TMEM175: variants seen among roughly 807,000 people sequenced by gnomAD.
The protein encoded by TMEM175 is transmembrane protein 175.
Under a neutral mutation model 36.5 loss-of-function variants are expected in TMEM175, and 36 were observed. The observed-to-expected ratio is 0.99, with a 90% confidence interval of 0.76 to 1.30. The LOEUF is 1.30. TMEM175 is among the 50% of genes most tolerant of loss of function. The pLI is 0.00. For missense variants in TMEM175, 705 were observed against 692.8 expected (o/e 1.02, Z -0.20); for synonymous variants, 339 against 313.4 (o/e 1.08, Z -0.86).
At position 957,900 on chromosome 4, in the gene TMEM175, G is replaced by C. The variant is rs146282263; in HGVS notation, c.919G>C (p.Gly307Arg). ...GSLVAALSATGPRFLAYFGSF... is the reference protein window; with the variant it reads ...GSLVAALSATRPRFLAYFGSF... Reference sequence around the variant, plus strand: ...CCTCGTGGCCGCCCTGAGTGCGACCGGGCCGCGCTTCCTGGCGTACTTCGG... The same window carrying C: ...CCTCGTGGCCGCCCTGAGTGCGACCCGGCCGCGCTTCCTGGCGTACTTCGG... Residue 307 changes from glycine to arginine, a missense_variant, in exon 11 of 11, where the codon GGG (glycine) becomes CGG (arginine). By Grantham distance (125) the Gly-to-Arg change is moderately radical. Transcript: ENST00000264771. The C allele has an allele frequency of 6.2e-6, 10 of 1,612,844 alleles. No individual in the cohort carries two copies. The Admixed American group carries it at 1.7e-4, about 27-fold the overall frequency.
chr4:936,514 A>G (rs1159611426), intron 1 of TMEM175, among the ~76,000 whole-genome samples: 1 of 152,180 alleles, frequency 6.6e-6, no homozygotes, highest in Admixed American at 6.5e-5. Context: ...GCAAGACACA[A>G]ATTACCAATA....
In TMEM175 at chr4:958,438, C is replaced by G. The variant is rs566928230; in HGVS notation, c.1457C>G (p.Pro486Arg). The part of the protein sequence containing the change: ...LRGLARPEHP[P>R]PAPTGQDDPQ... ...GGCCTCGCCCGGCCCGAACACCCCC[C>G]GCCAGCCCCCACGGGCCAGGACGAC... The change falls in exon 11 of 11, where the codon CCG becomes CGG. Residue 486 changes from proline (P) to arginine (R), a missense_variant. Pro to Arg is a moderately radical substitution (Grantham distance 103, BLOSUM62 -2). Coordinates refer to ENST00000264771, the MANE Select transcript of TMEM175 (RefSeq NM_032326.4). 1 of 1,589,856 alleles carries G rather than the reference C, an allele frequency of 6.3e-7. No homozygotes were observed. The highest frequency in any genetic ancestry group is 2.3e-5 in the East Asian group (1 of 44,390).
Position 947,801 on chromosome 4 carries a change from G to A in TMEM175, c.62G>A (p.Arg21Lys). 1.9e-6 allele frequency: 3 copies of A among 1,613,168 alleles called. No individual in the cohort carries two copies. Among genetic ancestry groups the A allele is most frequent in the Non-Finnish European group, 2.5e-6 (3 of 1,180,006 alleles). ...ACACCGGGGGACTGCCCCCCAGGCA[G>A]GAGAGACGAGGACGCTGGGGAGGGG... is the stretch of plus-strand genomic sequence containing the variant. ...LDTPGDCPPG[R>K]RDEDAGEGIQ... Residue 21 changes from arginine to lysine, a missense_variant, in exon 2 of 11, where the codon AGG becomes AAG. Transcript: ENST00000264771.
chr4:951,678 C>G lies in TMEM175; in HGVS notation c.343-4C>G, dbSNP rs1328590383. 1 of 1,614,176 alleles carries G rather than the reference C, an allele frequency of 6.2e-7. No homozygotes were observed. Among genetic ancestry groups the G allele is most frequent in the South Asian group, 1.1e-5 (1 of 91,086 alleles). On this transcript the variant is annotated splice_polypyrimidine_tract_variant and splice_region_variant and intron_variant, in intron 5 of 10. Transcript: ENST00000264771. Reference sequence around the variant, plus strand: ...CATGGCTGTGATGCCCTCCCTCCCTCCAGGCCTGCATGATGACCATCACCT... The same window carrying G: ...CATGGCTGTGATGCCCTCCCTCCCTGCAGGCCTGCATGATGACCATCACCT...
intron 6 of TMEM175, 145 bp downstream of exon 6, chr4:951,862 T>A: frequency 1.2e-6 from 1 of 850,352 alleles, no homozygotes; most frequent in Non-Finnish European, 1.9e-6. Context: ...GAGAGCCAGC[T>A]GTTGGGCTGT....
At chr4:951,549 G>A in intron 5 of TMEM175, 133 bp from the exon 6 acceptor site, 1 of 1,183,784 alleles carries the variant, frequency 8.4e-7, no homozygotes, top group Non-Finnish European at 1.2e-6. Context: ...GGGTCTGGGG[G>A]CTGGACTCAC....
intron 1 of TMEM175, among the ~76,000 whole-genome samples, chr4:944,384 C>G (rs1202576626): frequency 6.6e-6 from 1 of 152,174 alleles, no homozygotes; most frequent in Non-Finnish European, 1.5e-5. Context: ...AGCTTGAACA[C>G]AAAGATGCTG....
chr4:953,946 A>G (rs534414182), intron 8 of TMEM175, among the ~76,000 whole-genome samples: 2 of 152,126 alleles, frequency 1.3e-5, no homozygotes, highest in South Asian at 2.1e-4. Flanking sequence ...TTAGCCTCCC[A>G]AAGTGCTGGA....
In TMEM175 at chr4:958,587, C is replaced by T. The variant is rs1483602723; in HGVS notation, c.*91C>T. The T allele has an allele frequency of 8.7e-5, 95 of 1,089,400 alleles. No individual in the cohort carries two copies. The highest frequency in any genetic ancestry group is 2.7e-4 in the Middle Eastern group (1 of 3,640). 67.5% of individuals were successfully genotyped at this position (1,089,400 alleles called of 1,614,324 possible). Reference sequence around the variant, plus strand: ...AGGGGAAGCCAAGTCACGGGCAGGCCGCAGTGGTTCTTGCGTGGCCTGGTT... The same window carrying T: ...AGGGGAAGCCAAGTCACGGGCAGGCTGCAGTGGTTCTTGCGTGGCCTGGTT... On this transcript the variant is annotated 3_prime_UTR_variant, in exon 11 of 11. Coordinates refer to ENST00000264771, the MANE Select transcript of TMEM175 (RefSeq NM_032326.4).
chr4:950,324 T>G, intron 3 of TMEM175, 97 bp from the exon 4 acceptor site: 1 of 1,031,804 alleles, frequency 9.7e-7, no homozygotes, highest in Non-Finnish European at 1.5e-6. Flanking sequence ...CGCCCTGCCC[T>G]GGGCCGAGGC....
Position 932,742 on chromosome 4 carries a change from C to T in TMEM175, c.-32+202C>T, listed in dbSNP as rs1457996187. 6.6e-6 allele frequency among the ~76,000 whole-genome samples: 1 copy of T among 152,228 alleles called. No individual in the cohort carries two copies. The highest frequency in any genetic ancestry group is 2.4e-5 in the African/African-American group (1 of 41,456). Reference sequence around the variant, plus strand: ...GGCTAAGGAGCAAGGAGTTAGCGTGCGTTAAGCTTTCAGTAAATACTTGGT... The same window carrying T: ...GGCTAAGGAGCAAGGAGTTAGCGTGTGTTAAGCTTTCAGTAAATACTTGGT... On this transcript the variant is annotated intron_variant, in intron 1 of 10. Transcript: ENST00000264771. This position sits in a 1 kb window ranked among gnomAD's most constrained non-coding sequence, Gnocchi z 4.0.
rs1728935447 is a variant in TMEM175 at position 951,893 on chromosome 4, G to A, written c.378+176G>A. ...GCTGTTGGGGGCTTCTTTCAGGCTGGCGGGGAGGGGAGGCAGTGGCCCCGA... is the reference window on the plus strand; with the variant it reads ...GCTGTTGGGGGCTTCTTTCAGGCTGACGGGGAGGGGAGGCAGTGGCCCCGA... On this transcript the variant is annotated intron_variant, in intron 6 of 10. Transcript: ENST00000264771. The A allele has an allele frequency of 1.0e-5, 7 of 687,932 alleles. No individual in the cohort carries two copies. In the South Asian group the frequency reaches 1.3e-4, roughly 13 times the overall value. 42.6% of individuals were successfully genotyped at this position (687,932 alleles called of 1,614,324 possible). A position where few individuals can be genotyped will look rare whatever the true frequency, so the allele number is the denominator to read the frequency against.
At chr4:956,520 G>A (rs1729679263) in intron 10 of TMEM175, 1 of 1,194,258 alleles carries the variant, frequency 8.4e-7, no homozygotes, top group Non-Finnish European at 1.1e-6. Context: ...TCAGCTCACT[G>A]CAACCTCCGC....
At chr4:947,126 G>A (rs1413547442) in intron 1 of TMEM175, among the ~76,000 whole-genome samples, 8 of 112,504 alleles carry the variant, frequency 7.1e-5, no homozygotes, top group African/African-American at 1.7e-4. Context: ...GCCGAGACCG[G>A]GGGAGAGCGC....
At chr4:941,338 T>C (rs1727461429) in intron 1 of TMEM175, among the ~76,000 whole-genome samples, 1 of 139,524 alleles carries the variant, frequency 7.2e-6, no homozygotes, top group Non-Finnish European at 1.5e-5. Flanking sequence ...ATCGTGCCAT[T>C]GCACTCCAGC....
chr4:952,545 G>T, intron 7 of TMEM175, 95 bp downstream of exon 7: 3 of 1,220,532 alleles, frequency 2.5e-6, no homozygotes, highest in Non-Finnish European at 3.5e-6. Flanking sequence ...TGCAGGTAGG[G>T]GGCCCAGGGG....
chr4:951,326 G>A (rs1240828688), intron 5 of TMEM175, 68 bp downstream of exon 5: 1 of 1,573,078 alleles, frequency 6.4e-7, no homozygotes, highest in Non-Finnish European at 8.7e-7. Context: ...GGGAAGAGGG[G>A]AAGGGAGCAG....
rs1392214227 is a variant in TMEM175, at chr4:932,825, C to G, written c.-32+285C>G. Among the ~76,000 whole-genome samples, 7 of 152,214 alleles carry G rather than the reference C, an allele frequency of 4.6e-5. No homozygotes were observed. Among genetic ancestry groups the G allele is most frequent in the Non-Finnish European group, 7.3e-5 (5 of 68,034 alleles). On this transcript the variant is annotated intron_variant, in intron 1 of 10. Coordinates refer to ENST00000264771, the MANE Select transcript of TMEM175 (RefSeq NM_032326.4). The surrounding 1 kb of genome is among the most constrained non-coding windows in gnomAD (Gnocchi z 4.0). ...CGCTTAGTGAGTAAGGTTGGCAGCC[C>G]CCTCCCAGCAGCCAGGCAGGCAGTT...
Position 952,347 on chromosome 4 carries a change from T to C in TMEM175, c.379-20T>C, listed in dbSNP as rs1200057437. On this transcript the variant is annotated intron_variant, in intron 6 of 10. Transcript: ENST00000264771. ...TAACCTAGGATTTGGGGGGGTTTGGTTTTGTTTTTGTTTTAACAGTTTTCG... is the reference window on the plus strand; with the variant it reads ...TAACCTAGGATTTGGGGGGGTTTGGCTTTGTTTTTGTTTTAACAGTTTTCG... 2 of 1,607,314 alleles carry C rather than the reference T, an allele frequency of 1.2e-6. No individual in the cohort carries two copies. The highest frequency in any genetic ancestry group is 1.3e-5 in the African/African-American group (1 of 74,826).
Sources: allele counts gnomAD v4.1 joint callset (sites outside exome capture counted in the v4.1 genomes callset), GRCh38; gene constraint gnomAD v4.1.1; non-coding constraint Gnocchi (gnomAD v3.1); transcripts MANE v1.5; gene names NCBI Gene and HGNC (gene_info 2026-07-23, HGNC 2026-07-21).